The following OR51B5 variants were observed in gnomAD, a reference collection of about 807,000 sequenced individuals.
The protein encoded by OR51B5 is olfactory receptor 51B5.
For missense variants in OR51B5, 456 were observed against 374.6 expected (o/e 1.22, Z -1.79); for synonymous variants, 186 against 144.8 (o/e 1.28, Z -2.04).
At chr11:5,477,995 G>A (rs1334457727) in intron 1 of OR51B5, among the ~76,000 whole-genome samples, 2 of 151,946 alleles carry the variant, frequency 1.3e-5, no homozygotes, top group Admixed American at 6.6e-5. Flanking sequence ...AGCTCCAACT[G>A]GGTGGAGCCC....
At chr11:5,402,863 T>G (rs1195645948) in intron 1 of OR51B5, 1 of 471,532 alleles carries the variant, frequency 2.1e-6, no homozygotes, top group Admixed American at 2.3e-5. Flanking sequence ...GCATATTCCT[T>G]TTTGGAAATA....
rs766081144 is a variant in OR51B5, at chr11:5,428,467, G to T, written n.84+77102C>A. On this transcript the variant is annotated intron_variant and non_coding_transcript_variant, in intron 1 of 4. Coordinates refer to the OR51B5 transcript ENST00000415970. ...GCGCAGATAGACTTGCTCAACATAG[G>T]GTTATTACAAACCTTCAATTTGTAA... 3.6e-4 allele frequency among the ~76,000 whole-genome samples: 54 copies of T among 152,078 alleles called. 1 individual carries two copies. Among genetic ancestry groups the T allele is most frequent in the Non-Finnish European group, 7.5e-4 (51 of 68,016 alleles).
intron 1 of OR51B5, chr11:5,385,503 A>AAAAT (rs1554886315): frequency 3.3e-5 from 5 of 151,410 alleles, no homozygotes; most frequent in South Asian, 4.2e-4. Context: ...CATGCAAAAA[A>AAAAT]ATATATATAT....
At chr11:5,466,789 T>G (rs922038763) in intron 1 of OR51B5, among the ~76,000 whole-genome samples, 1 of 152,182 alleles carries the variant, frequency 6.6e-6, no homozygotes, top group African/African-American at 2.4e-5. Context: ...AAAGTAGCAC[T>G]TTCTTTGAGG....
intron 1 of OR51B5, chr11:5,423,262 A>G: frequency 7.3e-7 from 1 of 1,362,184 alleles, no homozygotes; most frequent in South Asian, 1.6e-5. Flanking sequence ...ATATTAAGGC[A>G]GTATGACAAG....
chr11:5,341,622 G>A (rs1312537449), downstream of OR51B5, among the ~76,000 whole-genome samples: 2 of 152,084 alleles, frequency 1.3e-5, no homozygotes, highest in East Asian at 1.9e-4. Context: ...TGACATTGTT[G>A]TATTCTTTGG....
intron 1 of OR51B5, chr11:5,440,420 T>C (rs1850660037): frequency 3.4e-6 from 2 of 589,462 alleles, no homozygotes; most frequent in South Asian, 4.6e-5. Context: ...TAAATATGTA[T>C]GCCATTTTAT....
intron 1 of OR51B5, chr11:5,430,943 C>T (rs1850525108): frequency 2.2e-6 from 1 of 456,896 alleles, no homozygotes; most frequent in African/African-American, 2.0e-5. Flanking sequence ...AGAATCAAGA[C>T]ATAAGAGACC....
chr11:5,362,180 T>G (rs1166622374), intron 1 of OR51B5, among the ~76,000 whole-genome samples: 1 of 152,156 alleles, frequency 6.6e-6, no homozygotes, highest in Admixed American at 6.5e-5. Flanking sequence ...ACTGCAGATT[T>G]TGAAGATCTC....
At chr11:5,344,611 T>A (rs552044002), upstream of OR51B5, among the ~76,000 whole-genome samples, 1 of 152,170 alleles carries the variant, frequency 6.6e-6, no homozygotes, top group Admixed American at 6.5e-5. Flanking sequence ...GCTTCTTGCA[T>A]ATAGACATGG....
intron 1 of OR51B5, among the ~76,000 whole-genome samples, chr11:5,424,355 A>G (rs951893356): frequency 6.6e-6 from 1 of 150,902 alleles, no homozygotes; most frequent in Non-Finnish European, 1.5e-5. Context: ...CAAACAAACA[A>G]AAAACAAACA....
chr11:5,373,193 T>C (rs1423750711), intron 1 of OR51B5, among the ~76,000 whole-genome samples: 1 of 152,158 alleles, frequency 6.6e-6, no homozygotes, highest in Non-Finnish European at 1.5e-5. Context: ...ATGTAAGACC[T>C]GAAATCACAA....
intron 1 of OR51B5, chr11:5,453,445 G>A (rs1399306971): frequency 7.1e-7 from 1 of 1,409,862 alleles, no homozygotes; most frequent in Non-Finnish European, 9.5e-7. Context: ...AATTCTCCAA[G>A]TCAGAAGATC....
At chr11:5,422,518 T>C (rs775357087) in intron 1 of OR51B5, 17 of 1,614,052 alleles carry the variant, frequency 1.1e-5, no homozygotes, top group Non-Finnish European at 2.5e-6. Context: ...TTTTCTTCCT[T>C]CATGGATTCT....
intron 1 of OR51B5, among the ~76,000 whole-genome samples, chr11:5,434,504 G>A (rs557283598): frequency 6.6e-6 from 1 of 152,230 alleles, no homozygotes; most frequent in East Asian, 1.9e-4. Context: ...GGGACAGAAG[G>A]GCTTGGCAGG....
rs1030108545 is a variant in OR51B5 at position 5,399,503 on chromosome 11, C to T, written n.85-52593G>A. Reference sequence around the variant, plus strand: ...AAAGGTAAAGTACGTAAAGTTATACCGAACATAAGATTCACCTCCAATTCT... The same window carrying T: ...AAAGGTAAAGTACGTAAAGTTATACTGAACATAAGATTCACCTCCAATTCT... On this transcript the variant is annotated intron_variant and non_coding_transcript_variant, in intron 1 of 4. Coordinates refer to the OR51B5 transcript ENST00000415970. Among the ~76,000 whole-genome samples, 20 of 151,968 alleles carry T rather than the reference C, an allele frequency of 1.3e-4. 1 individual carries two copies. The highest frequency in any genetic ancestry group is 4.8e-5 in the African/African-American group (2 of 41,360).
At chr11:5,343,848 A>G (rs1848947733), upstream of OR51B5, among the ~76,000 whole-genome samples, 1 of 152,242 alleles carries the variant, frequency 6.6e-6, no homozygotes, top group Admixed American at 6.5e-5. Flanking sequence ...TTAACTATGC[A>G]GATTTTAAAG....
chr11:5,390,127 A>G (rs898215880), intron 1 of OR51B5: 1 of 1,613,790 alleles, frequency 6.2e-7, no homozygotes, highest in Admixed American at 1.7e-5. Context: ...TGGCCTCCCA[A>G]GAGGAGCAGC....
intron 1 of OR51B5, among the ~76,000 whole-genome samples, chr11:5,405,637 G>A (rs1589978455): frequency 6.6e-6 from 1 of 151,904 alleles, no homozygotes; most frequent in African/African-American, 2.4e-5. Context: ...TACAAATAAC[G>A]ACACACCTAT....
Sources: allele counts gnomAD v4.1 joint callset (sites outside exome capture counted in the v4.1 genomes callset), GRCh38; gene constraint gnomAD v4.1.1; transcripts MANE v1.5; gene names NCBI Gene and HGNC (gene_info 2026-07-23, HGNC 2026-07-21).